KHDRBS2: variants seen among roughly 807,000 people sequenced by gnomAD.
KHDRBS2 encodes the protein KH RNA binding domain containing, signal transduction associated 2, also known as KH domain-containing, RNA-binding, signal transduction-associated protein 2.
Under a neutral mutation model 44.3 loss-of-function variants are expected in KHDRBS2, and 26 were observed. The ratio of observed to expected loss-of-function variants is 0.59; its 90% CI spans 0.43 to 0.81. The LOEUF is 0.81. Ranked by LOEUF, KHDRBS2 falls within the 40% of genes least tolerant of loss-of-function variation. The pLI, the probability that KHDRBS2 is intolerant of heterozygous loss-of-function variation, is 0.00. For synonymous variants in KHDRBS2, 194 were observed against 151.1 expected, an observed-to-expected ratio of 1.28 and a Z score of -2.08; for missense variants, 476 against 433.1, an observed-to-expected ratio of 1.10 and a Z score of -0.88.
chr6:61,797,766 T>C (rs1785605099), intron 6 of KHDRBS2, among the ~76,000 whole-genome samples: 2 of 147,944 alleles, frequency 1.4e-5, no homozygotes, highest in Admixed American at 1.3e-4. Context: ...TGTGTGTGTA[T>C]GTATATATAT....
At chr6:62,025,015 A>G (rs1205133502) in intron 3 of KHDRBS2, among the ~76,000 whole-genome samples, 1 of 151,664 alleles carries the variant, frequency 6.6e-6, no homozygotes, top group Admixed American at 6.6e-5. Flanking sequence ...TAAAATTAAA[A>G]CTTATTTTTA....
At chr6:61,805,137 A>C (rs778308462) in intron 6 of KHDRBS2, among the ~76,000 whole-genome samples, 1 of 152,282 alleles carries the variant, frequency 6.6e-6, no homozygotes, top group South Asian at 2.1e-4. Context: ...CCCAGGTCAC[A>C]TCCTGAATGC....
At position 61,947,507 on chromosome 6, in the gene KHDRBS2, G is replaced by A. The variant is rs199648804; in HGVS notation, c.483+30559C>T. Among the ~76,000 whole-genome samples the A allele has an allele frequency of 1.7e-4, 26 of 152,188 alleles. No individual in the cohort carries two copies. The East Asian group carries it at 4.8e-3, about 28-fold the overall frequency. On this transcript the variant is annotated intron_variant, in intron 4 of 8. Coordinates refer to ENST00000281156, the MANE Select transcript of KHDRBS2 (RefSeq NM_152688.4). ...ATGAAGAAGTGAGTTGTTTAGTGAA[G>A]AGGAGAAAAACAGAAGTGGAAGGGC...
At chr6:62,082,058 C>T (rs534998677) in intron 2 of KHDRBS2, among the ~76,000 whole-genome samples, 1 of 151,978 alleles carries the variant, frequency 6.6e-6, no homozygotes, top group East Asian at 1.9e-4. Context: ...TAGTTGTATG[C>T]CCAATGGGAA....
intron 6 of KHDRBS2, among the ~76,000 whole-genome samples, chr6:61,773,413 G>A (rs1489831123): frequency 7.9e-5 from 12 of 152,002 alleles, no homozygotes; most frequent in Non-Finnish European, 1.6e-4. Context: ...ATTTTTTCAT[G>A]TGTTTTTTTG....
chr6:62,040,063 C>T (rs544366854), intron 3 of KHDRBS2, among the ~76,000 whole-genome samples: 10 of 151,980 alleles, frequency 6.6e-5, no homozygotes, highest in Admixed American at 3.3e-4. Flanking sequence ...AACGTCTCTA[C>T]CAAGAAGAAA....
At chr6:62,210,328 T>C (rs1828809990) in intron 1 of KHDRBS2, among the ~76,000 whole-genome samples, 1 of 42,494 alleles carries the variant, frequency 2.4e-5, no homozygotes, top group Non-Finnish European at 7.8e-5. Context: ...TCTAGCATTC[T>C]TTTTTTTTTT....
At chr6:62,006,515 C>G (rs1226129931) in intron 3 of KHDRBS2, among the ~76,000 whole-genome samples, 2 of 151,888 alleles carry the variant, frequency 1.3e-5, no homozygotes, top group Non-Finnish European at 1.5e-5. Context: ...TAATCAGAGA[C>G]TATATAAAAA....
intron 1 of KHDRBS2, among the ~76,000 whole-genome samples, chr6:62,198,776 A>T (rs969414680): frequency 1.7e-4 from 26 of 152,172 alleles, no homozygotes; most frequent in Admixed American, 3.3e-4. Context: ...TGGCAGAGAC[A>T]CAACAGAAAA....
chr6:61,946,489 C>T (rs1340225852), intron 4 of KHDRBS2, among the ~76,000 whole-genome samples: 1 of 152,102 alleles, frequency 6.6e-6, no homozygotes, highest in Non-Finnish European at 1.5e-5. Flanking sequence ...TCAAGCCTCA[C>T]CTAAAATGTT....
chr6:61,564,478 G>C, the KHDRBS2 span, among the ~76,000 whole-genome samples: 1 of 152,038 alleles, frequency 6.6e-6, no homozygotes, highest in Admixed American at 6.6e-5. Context: ...GTTGTCGTAA[G>C]TCATTGTTTG....
chr6:62,023,376 T>C (rs1337087945), intron 3 of KHDRBS2, among the ~76,000 whole-genome samples: 1 of 151,676 alleles, frequency 6.6e-6, no homozygotes, highest in Non-Finnish European at 1.5e-5. Context: ...TCATTAATGT[T>C]GGTTTTCAGC....
the KHDRBS2 span, among the ~76,000 whole-genome samples, chr6:61,545,576 C>T: frequency 6.6e-6 from 1 of 150,942 alleles, no homozygotes; most frequent in Non-Finnish European, 1.5e-5. Flanking sequence ...ACACATACAT[C>T]AATTCATGCT....
At chr6:61,577,679 GA>G in the KHDRBS2 span, among the ~76,000 whole-genome samples, 1 of 152,028 alleles carries the variant, frequency 6.6e-6, no homozygotes, top group African/African-American at 2.4e-5. Context: ...ACTAATAACT[GA>G]AATGTTCTTT....
chr6:62,117,052 C>CA (rs1806417853), intron 2 of KHDRBS2, among the ~76,000 whole-genome samples: 1 of 152,136 alleles, frequency 6.6e-6, no homozygotes, highest in Non-Finnish European at 1.5e-5. Flanking sequence ...AACAGTGCTG[C>CA]AATAAATATG....
chr6:61,905,998 C>A (rs1331349018), intron 4 of KHDRBS2, among the ~76,000 whole-genome samples: 4 of 151,674 alleles, frequency 2.6e-5, no homozygotes, highest in Admixed American at 6.6e-5. Flanking sequence ...CCGGTGCCCA[C>A]CACCACGCCT....
intron 2 of KHDRBS2, among the ~76,000 whole-genome samples, chr6:62,089,762 T>C (rs1298172009): frequency 6.6e-6 from 1 of 152,212 alleles, no homozygotes; most frequent in African/African-American, 2.4e-5. Flanking sequence ...TTAAGACACA[T>C]ATTTGTTTTG....
intron 4 of KHDRBS2, among the ~76,000 whole-genome samples, chr6:61,913,314 A>G (rs1369659588): frequency 6.6e-6 from 1 of 151,986 alleles, no homozygotes; most frequent in East Asian, 1.9e-4. Flanking sequence ...CCTTTGCCTG[A>G]GGTGGGATTT....
chr6:61,886,029 TC>T (rs1800902872), intron 6 of KHDRBS2, among the ~76,000 whole-genome samples: 1 of 152,134 alleles, frequency 6.6e-6, no homozygotes, highest in Non-Finnish European at 1.5e-5. Context: ...TCCAATACCA[TC>T]CCTGTTGTCA....
Sources: allele counts gnomAD v4.1 joint callset (sites outside exome capture counted in the v4.1 genomes callset), GRCh38; gene constraint gnomAD v4.1.1; transcripts MANE v1.5; gene names NCBI Gene and HGNC (gene_info 2026-07-23, HGNC 2026-07-21).